CNBD1: variants seen among roughly 807,000 people sequenced by gnomAD.
CNBD1 encodes cyclic nucleotide binding domain containing 1, also known as cyclic nucleotide-binding domain-containing protein 1.
CNBD1 carries 71 observed loss-of-function variants against 54.4 expected under a neutral mutation model. The observed-to-expected ratio is 1.30, with a 90% CI of 1.08 to 1.59. The LOEUF is 1.59. Among genes scored for constraint, CNBD1 ranks in the 40% most tolerant of loss-of-function variants. The pLI, the probability that CNBD1 is intolerant of heterozygous loss-of-function variation, is 0.00. For missense variants in CNBD1, 659 were observed against 518.0 expected, an observed-to-expected ratio of 1.27 and a Z score of -2.64; for synonymous variants, 182 against 170.7, an observed-to-expected ratio of 1.07 and a Z score of -0.51.
At chr8:86,969,821 CAT>C (rs1221967312) in intron 4 of CNBD1, among the ~76,000 whole-genome samples, 1,464 of 135,108 alleles carry the variant, frequency 0.011, 33 homozygotes, top group African/African-American at 0.038. Flanking sequence ...CACACACACA[CAT>C]ATATATAGTG....
At chr8:87,276,614 T>C (rs531016071) in intron 6 of CNBD1, among the ~76,000 whole-genome samples, 2 of 151,998 alleles carry the variant, frequency 1.3e-5, no homozygotes, top group Non-Finnish European at 2.9e-5. Flanking sequence ...CATGGTGAAG[T>C]AGCTTGCCTC....
intron 6 of CNBD1, among the ~76,000 whole-genome samples, chr8:87,259,776 T>G (rs986070777): frequency 2.0e-5 from 3 of 152,150 alleles, no homozygotes; most frequent in Non-Finnish European, 4.4e-5. Context: ...GTGCCTCCTG[T>G]TTTTCCTAAG....
At chr8:87,150,574 C>T (rs1242509524) in intron 4 of CNBD1, among the ~76,000 whole-genome samples, 3 of 152,204 alleles carry the variant, frequency 2.0e-5, no homozygotes, top group South Asian at 2.1e-4. Context: ...AGGCAAGGAA[C>T]GTTTTATTCA....
chr8:87,328,792 T>C (rs1418357040), intron 8 of CNBD1, among the ~76,000 whole-genome samples: 1 of 152,142 alleles, frequency 6.6e-6, no homozygotes, highest in Non-Finnish European at 1.5e-5. Context: ...CAATGTTTTA[T>C]ATTTTTCAGT....
chr8:86,962,268 AT>A (rs1242941687), intron 4 of CNBD1, among the ~76,000 whole-genome samples: 1 of 152,216 alleles, frequency 6.6e-6, no homozygotes, highest in Admixed American at 6.5e-5. Flanking sequence ...GAAAAAGAAG[AT>A]CCATGAGAAA....
At chr8:87,160,700 AC>A (rs1812839550) in intron 4 of CNBD1, among the ~76,000 whole-genome samples, 1 of 152,178 alleles carries the variant, frequency 6.6e-6, no homozygotes, top group African/African-American at 2.4e-5. Context: ...ATCAAAAGGC[AC>A]TGAGTCTTGA....
intron 2 of CNBD1, among the ~76,000 whole-genome samples, chr8:87,427,936 AG>A (rs1359446650): frequency 1.3e-5 from 2 of 152,068 alleles, no homozygotes; most frequent in African/African-American, 4.8e-5. Flanking sequence ...CCTTCACCAA[AG>A]CCCCCCCAGC....
At chr8:86,936,641 G>C (rs978438503) in intron 3 of CNBD1, among the ~76,000 whole-genome samples, 5 of 151,694 alleles carry the variant, frequency 3.3e-5, no homozygotes, top group Non-Finnish European at 7.4e-5. Context: ...TACTCAGGAG[G>C]CTGAGGCAGG....
chr8:87,399,573 C>G (rs1271478409), intron 2 of CNBD1, among the ~76,000 whole-genome samples: 1 of 151,856 alleles, frequency 6.6e-6, no homozygotes, highest in Non-Finnish European at 1.5e-5. Context: ...ATATAAAGCC[C>G]CTAATGCCAA....
intron 2 of CNBD1, among the ~76,000 whole-genome samples, chr8:87,394,157 A>G (rs1440732162): frequency 1.3e-5 from 2 of 152,058 alleles, no homozygotes; most frequent in South Asian, 4.1e-4. Flanking sequence ...TTTTATGAGC[A>G]TGTTACACTA....
chr8:87,357,071 A>G (rs1238189695), intron 10 of CNBD1, among the ~76,000 whole-genome samples: 1 of 152,190 alleles, frequency 6.6e-6, no homozygotes, highest in African/African-American at 2.4e-5. Flanking sequence ...CTGCAGGTAT[A>G]TGAAATGCAA....
At chr8:87,122,383 C>T (rs971066937) in intron 4 of CNBD1, among the ~76,000 whole-genome samples, 10 of 151,758 alleles carry the variant, frequency 6.6e-5, no homozygotes, top group Non-Finnish European at 4.4e-5. Context: ...GAACTTTGCC[C>T]ATTTTAAAAT....
At position 86,982,042 on chromosome 8, in the gene CNBD1, T is replaced by G. The variant is rs536338756; in HGVS notation, c.431+42288T>G. On this transcript the variant is annotated intron_variant, in intron 4 of 10. Transcript: ENST00000518476. ...ACTACTGTTGGCAATGTGTGAGAAT[T>G]CCAGTTGCTCCACATCCTGACCAAA... Among the ~76,000 whole-genome samples, 33 of 152,314 alleles carry G rather than the reference T, an allele frequency of 2.2e-4. 1 individual carries two copies. The South Asian group carries it at 3.1e-3, about 14-fold the overall frequency.
intron 8 of CNBD1, among the ~76,000 whole-genome samples, chr8:87,317,009 C>T (rs1403768048): frequency 6.6e-6 from 1 of 151,704 alleles, no homozygotes; most frequent in African/African-American, 2.4e-5. Flanking sequence ...ATTACATAAA[C>T]TTCTCTAGGT....
intron 4 of CNBD1, among the ~76,000 whole-genome samples, chr8:87,062,226 A>G (rs1166225176): frequency 1.3e-5 from 2 of 152,208 alleles, no homozygotes; most frequent in Non-Finnish European, 2.9e-5. Flanking sequence ...TTCAATGAAT[A>G]ATTCTTGACA....
intron 10 of CNBD1, among the ~76,000 whole-genome samples, chr8:87,377,002 T>C (rs1369872096): frequency 6.7e-6 from 1 of 150,318 alleles, no homozygotes; most frequent in African/African-American, 2.4e-5. Flanking sequence ...GATATTTGTT[T>C]GTTAAATTTA....
intron 2 of CNBD1, among the ~76,000 whole-genome samples, chr8:87,400,833 A>G (rs1451926945): frequency 6.6e-6 from 1 of 152,012 alleles, no homozygotes; most frequent in Non-Finnish European, 1.5e-5. Context: ...AGTGATTTCA[A>G]CTTTGGCTGC....
intron 5 of CNBD1, among the ~76,000 whole-genome samples, chr8:87,207,028 A>G (rs570199024): frequency 1.3e-5 from 2 of 152,162 alleles, no homozygotes; most frequent in Non-Finnish European, 2.9e-5. Context: ...AAAAATTTAC[A>G]TATTTCCAGA....
chr8:86,913,561 C>G (rs2131817110), intron 3 of CNBD1, among the ~76,000 whole-genome samples: 1 of 152,150 alleles, frequency 6.6e-6, no homozygotes, highest in East Asian at 1.9e-4. Flanking sequence ...TGTGATGCCC[C>G]CTGAGCCATA....
Sources: gnomAD v4.1 joint callset for allele counts (sites outside exome capture counted in the v4.1 genomes callset) on GRCh38, gnomAD v4.1.1 for gene constraint, MANE v1.5 for transcripts, NCBI Gene and HGNC (gene_info 2026-07-23, HGNC 2026-07-21) for gene names.